Variants in ITSN1 observed in about 807,000 individuals in gnomAD.
The protein encoded by ITSN1 is intersectin 1, also known as intersectin-1.
A neutral mutation model predicts 239.8 loss-of-function variants in ITSN1; 58 were observed. The observed-to-expected ratio is 0.24, with a 90% CI of 0.20 to 0.30. The LOEUF is 0.30. Among genes scored for constraint, ITSN1 ranks in the 10% least tolerant of loss-of-function variants. The pLI is 1.00. For missense variants in ITSN1, 1,558 were observed against 2,103.3 expected (o/e 0.74, Z 5.07); for synonymous variants, 780 against 770.8 (o/e 1.01, Z -0.20).
intron 2 of ITSN1, among the ~76,000 whole-genome samples, chr21:33,719,936 G>T (rs2065383349): frequency 6.6e-6 from 1 of 152,176 alleles, no homozygotes. Context: ...CATATTAACG[G>T]ATTACTCTTG....
rs747697396 is a variant in ITSN1, at chr21:33,811,113, A to G, written c.2458A>G (p.Thr820Ala). The change falls in exon 21 of 40, where the codon ACA becomes GCA. Residue 820 changes from threonine to alanine, a missense_variant. Coordinates refer to ENST00000381318, the MANE Select transcript of ITSN1 (RefSeq NM_003024.3). ...TCCAGTGAAACCAGTGACTGATTCA[A>G]CATCTGCCCCTGCCCCCAAACTGGC... ...PAPVKPVTDS[T>A]SAPAPKLALR... is the part of the protein sequence containing the mutation. 57 of 1,614,088 alleles carry G rather than the reference A, an allele frequency of 3.5e-5. No individual in the cohort carries two copies. The highest frequency in any genetic ancestry group is 1.6e-4 in the Middle Eastern group (1 of 6,084).
chr21:33,652,145 A>C (rs1259872629), intron 1 of ITSN1, among the ~76,000 whole-genome samples: 2 of 152,148 alleles, frequency 1.3e-5, no homozygotes, highest in East Asian at 1.9e-4. Context: ...GTGTGAAGCT[A>C]CTTAGCCCGG....
At chr21:33,710,087 T>G (rs941726816) in intron 1 of ITSN1, among the ~76,000 whole-genome samples, 7 of 151,274 alleles carry the variant, frequency 4.6e-5, no homozygotes, top group Non-Finnish European at 7.4e-5. Context: ...TTTTGTTTTT[T>G]TTTTTTTTTG....
chr21:33,778,814 G>A (rs1293486464), intron 14 of ITSN1, among the ~76,000 whole-genome samples: 4 of 150,454 alleles, frequency 2.7e-5, no homozygotes, highest in Admixed American at 2.0e-4. Context: ...TCCTGACCTC[G>A]TGATCCGCCC....
intron 1 of ITSN1, among the ~76,000 whole-genome samples, chr21:33,679,666 C>T (rs2090811950): frequency 6.7e-6 from 1 of 148,502 alleles, no homozygotes. Context: ...TTTAGCAGTC[C>T]TCCCTTTTTT....
Position 33,841,123 on chromosome 21 carries a change from A to G in ITSN1, c.3661+4491A>G, listed in dbSNP as rs904258999. On this transcript the variant is annotated intron_variant, in intron 29 of 39. Coordinates refer to ENST00000381318, the MANE Select transcript of ITSN1 (RefSeq NM_003024.3). ...TAACTCGGCCCTATGTTAAGTCACAAAATATCTAACCATTACATGCATGGT... is the reference window on the plus strand; with the variant it reads ...TAACTCGGCCCTATGTTAAGTCACAGAATATCTAACCATTACATGCATGGT... Among the ~76,000 whole-genome samples the G allele has an allele frequency of 3.9e-5, 6 of 152,210 alleles. No individual in the cohort carries two copies. The South Asian group carries it at 1.2e-3, about 32-fold the overall frequency.
chr21:33,831,187 G>GCACCTGGC (rs1223585062), intron 27 of ITSN1, among the ~76,000 whole-genome samples: 2 of 152,196 alleles, frequency 1.3e-5, no homozygotes, highest in African/African-American at 2.4e-5. Flanking sequence ...TGCCAGGCGG[G>GCACCTGGC]CACCTGGCCA....
At chr21:33,820,932 A>G (rs2073634509) in intron 24 of ITSN1, among the ~76,000 whole-genome samples, 1 of 152,146 alleles carries the variant, frequency 6.6e-6, no homozygotes. Context: ...TGACTCACCC[A>G]TCTAGTAACA....
chr21:33,767,329 C>G (rs946182041), intron 10 of ITSN1, among the ~76,000 whole-genome samples: 6 of 152,106 alleles, frequency 3.9e-5, no homozygotes, highest in Admixed American at 1.3e-4. Context: ...GAGAGATGCT[C>G]CTAGTGAGCT....
intron 29 of ITSN1, among the ~76,000 whole-genome samples, chr21:33,848,272 T>G (rs1026935168): frequency 1.3e-5 from 2 of 152,092 alleles, no homozygotes; most frequent in African/African-American, 4.8e-5. Flanking sequence ...ATCTGATGGG[T>G]GCTCTTAATA....
Position 33,826,855 on chromosome 21 carries a change from A to G in ITSN1, c.3221A>G (p.Lys1074Arg). Reference protein sequence around the residue: ...GTAGKTGSLGKKPEIAQVIAS... With the variant: ...GTAGKTGSLGRKPEIAQVIAS... ...GCTGGGAAAACAGGGAGTTTAGGAAAAAAACCTGGTAAGTTACAAACCCTG... is the reference window on the plus strand; with the variant it reads ...GCTGGGAAAACAGGGAGTTTAGGAAGAAAACCTGGTAAGTTACAAACCCTG... Residue 1074 changes from lysine to arginine, a missense_variant, in exon 26 of 40, where the codon AAA becomes AGA. By Grantham distance (26) the Lys-to-Arg change is conservative (BLOSUM62 2). This residue lies in a region of ITSN1 where 576 missense variants were observed against 893.3 expected (regional missense o/e 0.64). Transcript: ENST00000381318. The G allele has an allele frequency of 6.2e-7, 1 of 1,613,740 alleles. No homozygotes were observed. Among genetic ancestry groups the G allele is most frequent in the East Asian group, 2.2e-5 (1 of 44,876 alleles).
chr21:33,758,326 G>A (rs1381255538), intron 8 of ITSN1, among the ~76,000 whole-genome samples: 2 of 152,164 alleles, frequency 1.3e-5, no homozygotes, highest in African/African-American at 4.8e-5. Context: ...TGTTCCCCAG[G>A]CTGGTCTCGA....
intron 11 of ITSN1, among the ~76,000 whole-genome samples, chr21:33,769,676 G>A (rs1256248693): frequency 6.6e-6 from 1 of 150,482 alleles, no homozygotes; most frequent in African/African-American, 2.5e-5. Context: ...TCCTCTCTCT[G>A]TTTTCTCTAT....
intron 9 of ITSN1, 51 bp downstream of exon 9, chr21:33,762,037 T>C: frequency 1.5e-6 from 2 of 1,335,400 alleles, no homozygotes; most frequent in Non-Finnish European, 2.2e-6. Context: ...CTTGGTTAGA[T>C]TGGTGTGGCC....
chr21:33,836,757 G>A (rs2148410649), intron 29 of ITSN1, 125 bp downstream of exon 29: 1 of 840,192 alleles, frequency 1.2e-6, no homozygotes, highest in Non-Finnish European at 1.9e-6. Context: ...TGCATTCGCA[G>A]TCGTCTCTTT....
intron 1 of ITSN1, among the ~76,000 whole-genome samples, chr21:33,670,461 A>G (rs905767868): frequency 6.6e-6 from 1 of 152,158 alleles, no homozygotes; most frequent in Non-Finnish European, 1.5e-5. Context: ...GTTAGTATAC[A>G]TAGCTTTTTA....
At chr21:33,772,443 C>CGGCGA in intron 12 of ITSN1, 120 bp downstream of exon 12, 2 of 1,258,124 alleles carry the variant, frequency 1.6e-6, no homozygotes, top group Non-Finnish European at 2.2e-6. Flanking sequence ...TTAGTATATT[C>CGGCGA]CCAAAGTTGT....
At chr21:33,800,873 G>A (rs2071943614) in intron 19 of ITSN1, among the ~76,000 whole-genome samples, 1 of 142,528 alleles carries the variant, frequency 7.0e-6, no homozygotes, top group African/African-American at 2.5e-5. Context: ...GGAGTGCAGT[G>A]GTGTGATATT....
At chr21:33,765,258 A>G (rs2068636240) in intron 9 of ITSN1, among the ~76,000 whole-genome samples, 1 of 152,162 alleles carries the variant, frequency 6.6e-6, no homozygotes, top group Admixed American at 6.5e-5. Flanking sequence ...TATGCCTATA[A>G]TCCCAGCGAT....
Sources: allele counts gnomAD v4.1 joint callset (sites outside exome capture counted in the v4.1 genomes callset), GRCh38; gene constraint gnomAD v4.1.1; regional missense constraint gnomAD v4.1.1; transcripts MANE v1.5; gene names NCBI Gene and HGNC (gene_info 2026-07-23, HGNC 2026-07-21).